The following NEK11 variants were observed in gnomAD, a reference collection of about 807,000 sequenced individuals.
The protein encoded by NEK11 is NIMA related kinase 11.
NEK11 carries 72 observed loss-of-function variants against 80.7 expected under a neutral mutation model. The observed-to-expected ratio is 0.89, with a 90% CI of 0.74 to 1.08. The LOEUF (loss-of-function observed/expected upper bound fraction) is 1.08, where lower values mean the gene tolerates loss of function less well. NEK11 is among the 50% of genes least tolerant of loss of function. NEK11 has a pLI of 0.00. For missense variants in NEK11, 764 were observed against 763.6 expected, an observed-to-expected ratio of 1.00 and a Z score of -0.01; for synonymous variants, 251 against 260.7, an observed-to-expected ratio of 0.96 and a Z score of 0.36.
intron 15 of NEK11, among the ~76,000 whole-genome samples, chr3:131,231,730 C>T (rs77998519): frequency 0.015 from 2,216 of 151,992 alleles, 22 homozygotes; most frequent in Middle Eastern, 0.031. Flanking sequence ...CTACAGAACT[C>T]AGTCATGGTC....
intron 17 of NEK11, among the ~76,000 whole-genome samples, chr3:131,296,526 G>C (rs769458978): frequency 6.6e-6 from 1 of 152,098 alleles, no homozygotes; most frequent in Non-Finnish European, 1.5e-5. Context: ...TTGTTTGTCT[G>C]AGAAAGTCTT....
chr3:131,041,048 T>A (rs2066395815), intron 3 of NEK11, among the ~76,000 whole-genome samples: 1 of 152,244 alleles, frequency 6.6e-6, no homozygotes, highest in South Asian at 2.1e-4. Context: ...TTTCATCTCA[T>A]AAGCCTCATA....
chr3:131,174,012 G>A (rs961875004), intron 14 of NEK11, among the ~76,000 whole-genome samples: 6 of 151,932 alleles, frequency 3.9e-5, no homozygotes, highest in Admixed American at 1.3e-4. Flanking sequence ...AAACATTTCC[G>A]TTATTTTTTC....
intron 3 of NEK11, among the ~76,000 whole-genome samples, chr3:131,050,093 C>A (rs2068112729): frequency 6.6e-6 from 1 of 152,324 alleles, no homozygotes; most frequent in Non-Finnish European, 1.5e-5. Context: ...CTGCCTCAAG[C>A]TCCTGCTTTG....
chr3:131,269,588 G>C, intron 16 of NEK11, among the ~76,000 whole-genome samples: 1 of 152,206 alleles, frequency 6.6e-6, no homozygotes, highest in East Asian at 1.9e-4. Flanking sequence ...AATGAGATGA[G>C]CTTGGTACCT....
intron 7 of NEK11, among the ~76,000 whole-genome samples, chr3:131,149,010 A>T (rs2089052017): frequency 6.6e-6 from 1 of 152,006 alleles, no homozygotes; most frequent in Non-Finnish European, 1.5e-5. Context: ...AAGTCTTCTA[A>T]CTATTTTGAA....
intron 17 of NEK11, among the ~76,000 whole-genome samples, chr3:131,335,964 A>G (rs2097176061): frequency 6.6e-6 from 1 of 152,214 alleles, no homozygotes; most frequent in Non-Finnish European, 1.5e-5. Context: ...CAATGAAATA[A>G]AAGAGGATAC....
chr3:131,274,395 T>C (rs2096255908), intron 17 of NEK11, among the ~76,000 whole-genome samples: 1 of 142,984 alleles, frequency 7.0e-6, no homozygotes, highest in Non-Finnish European at 1.5e-5. Context: ...TCTTTGCTAT[T>C]GTGAGTAGTG....
chr3:131,311,599 G>A (rs2096782829), intron 17 of NEK11, among the ~76,000 whole-genome samples: 1 of 152,178 alleles, frequency 6.6e-6, no homozygotes, highest in African/African-American at 2.4e-5. Flanking sequence ...GCAAATAGAA[G>A]CACCTTGTTG....
At chr3:131,179,352 C>T (rs977089396) in intron 14 of NEK11, among the ~76,000 whole-genome samples, 3 of 152,268 alleles carry the variant, frequency 2.0e-5, no homozygotes, top group African/African-American at 7.2e-5. Flanking sequence ...AAGGACAGAA[C>T]TTGTACTGAC....
intron 17 of NEK11, among the ~76,000 whole-genome samples, chr3:131,300,873 G>T (rs2096653926): frequency 6.6e-6 from 1 of 152,028 alleles, no homozygotes; most frequent in African/African-American, 2.4e-5. Context: ...TCTATTTAAG[G>T]TTCATATGAA....
intron 3 of NEK11, among the ~76,000 whole-genome samples, chr3:131,070,583 C>T (rs1387796631): frequency 6.6e-6 from 1 of 152,190 alleles, no homozygotes; most frequent in Non-Finnish European, 1.5e-5. Context: ...ATTAGTGCCT[C>T]ATCGAAAGCA....
chr3:131,282,315 C>T (rs2096408380), intron 17 of NEK11, among the ~76,000 whole-genome samples: 1 of 150,806 alleles, frequency 6.6e-6, no homozygotes, highest in Admixed American at 6.6e-5. Context: ...TAGTGACATG[C>T]ACATCATGCC....
In NEK11 at chr3:131,243,419, C is replaced by G. The variant is rs771415679; in HGVS notation, c.1561-17C>G. 4.4e-6 allele frequency: 7 copies of G among 1,607,118 alleles called. No individual in the cohort carries two copies. The African/African-American group carries it at 9.4e-5, about 22-fold the overall frequency. On this transcript the variant is annotated splice_polypyrimidine_tract_variant and intron_variant, in intron 15 of 17. Transcript: ENST00000383366. ...TACCATACAGGGAAAATAAACATTT[C>G]TCCCTTATTTTGACAGGACAGTGAT...
intron 7 of NEK11, among the ~76,000 whole-genome samples, chr3:131,147,718 G>C (rs572894617): frequency 2.0e-5 from 3 of 151,966 alleles, no homozygotes; most frequent in Admixed American, 2.0e-4. Flanking sequence ...GCAGTCTTGC[G>C]TAATTCCCTC....
At chr3:131,165,680 A>G (rs1330667128) in intron 12 of NEK11, among the ~76,000 whole-genome samples, 161 bp downstream of exon 12, 1 of 152,202 alleles carries the variant, frequency 6.6e-6, no homozygotes, top group Non-Finnish European at 1.5e-5. Context: ...ACAGCTGGTG[A>G]CAACGATTCA....
intron 17 of NEK11, among the ~76,000 whole-genome samples, chr3:131,288,914 A>G (rs535915696): frequency 1.3e-5 from 2 of 152,324 alleles, no homozygotes; most frequent in East Asian, 3.9e-4. Context: ...AAGGGTAGAT[A>G]GTAATAAATA....
At chr3:131,137,331 G>A (rs76538081) in intron 7 of NEK11, among the ~76,000 whole-genome samples, 2,149 of 152,196 alleles carry the variant, frequency 0.014, 47 homozygotes, top group African/African-American at 0.049. Context: ...TTCCAGGGTG[G>A]ACAGGGAAGG....
intron 16 of NEK11, among the ~76,000 whole-genome samples, chr3:131,250,547 C>T (rs542907369): frequency 1.2e-4 from 19 of 152,040 alleles, no homozygotes; most frequent in African/African-American, 4.3e-4. Flanking sequence ...CGTCATCAAA[C>T]CTAAGAGTCA....
Sources: allele counts gnomAD v4.1 joint callset (sites outside exome capture counted in the v4.1 genomes callset), GRCh38; gene constraint gnomAD v4.1.1; transcripts MANE v1.5; gene names NCBI Gene and HGNC (gene_info 2026-07-23, HGNC 2026-07-21).